Variants in PRKCH observed in about 807,000 individuals in gnomAD.
PRKCH encodes protein kinase C eta type.
A neutral mutation model predicts 82.5 loss-of-function variants in PRKCH; 28 were observed. That is an observed-to-expected ratio of 0.34 (90% CI 0.25 to 0.47). The LOEUF is 0.47. Among genes scored for constraint, PRKCH ranks in the 20% least tolerant of loss-of-function variants. The probability of loss-of-function intolerance (pLI) is 1.00; values close to 1 mark genes in which losing one functional copy is unlikely to be tolerated. For missense variants in PRKCH, 705 were observed against 881.8 expected (o/e 0.80, Z 2.54); for synonymous variants, 322 against 327.4 (o/e 0.98, Z 0.18).
At chr14:61,290,022 G>A (rs2045346681) in intron 1 of PRKCH, among the ~76,000 whole-genome samples, 1 of 152,116 alleles carries the variant, frequency 6.6e-6, no homozygotes, top group Non-Finnish European at 1.5e-5. Flanking sequence ...GTCCAGGCAC[G>A]GTGGCCCATG....
At chr14:61,484,017 G>A (rs1466743449) in intron 9 of PRKCH, among the ~76,000 whole-genome samples, 1 of 152,116 alleles carries the variant, frequency 6.6e-6, no homozygotes, top group Admixed American at 6.5e-5. Flanking sequence ...CTTCAGCTTG[G>A]GTGACAGAAT....
At chr14:61,447,231 C>A (rs980915456) in intron 4 of PRKCH, among the ~76,000 whole-genome samples, 2 of 152,276 alleles carry the variant, frequency 1.3e-5, no homozygotes, top group African/African-American at 4.8e-5. Flanking sequence ...TATTTAAAGA[C>A]CAGTGTAGTA....
intron 12 of PRKCH, among the ~76,000 whole-genome samples, chr14:61,538,145 A>G (rs963638074): frequency 6.6e-6 from 1 of 152,256 alleles, no homozygotes; most frequent in African/African-American, 2.4e-5. Flanking sequence ...CAGAGGATCC[A>G]ACCCCAGATC....
At chr14:61,478,956 CA>C (rs1211678643) in intron 9 of PRKCH, among the ~76,000 whole-genome samples, 1 of 151,582 alleles carries the variant, frequency 6.6e-6, no homozygotes, top group African/African-American at 2.4e-5. Context: ...TAAGGCTATG[CA>C]AAAAAAAGAA....
At chr14:61,229,428 G>A (rs2044723327) in intron 1 of PRKCH, among the ~76,000 whole-genome samples, 1 of 152,156 alleles carries the variant, frequency 6.6e-6, no homozygotes, top group African/African-American at 2.4e-5. Flanking sequence ...AGCTAGCTGT[G>A]GAATCTGCCT....
intron 2 of PRKCH, among the ~76,000 whole-genome samples, chr14:61,425,598 G>T (rs547851721): frequency 5.3e-5 from 8 of 152,320 alleles, no homozygotes; most frequent in African/African-American, 1.9e-4. Flanking sequence ...AGGCTTATAG[G>T]CAGAAGGGAC....
At chr14:61,381,906 G>C (rs2046516951) in intron 1 of PRKCH, among the ~76,000 whole-genome samples, 1 of 152,218 alleles carries the variant, frequency 6.6e-6, no homozygotes, top group African/African-American at 2.4e-5. Flanking sequence ...AGCCTCAAGG[G>C]AGGCTGGTGC....
At chr14:61,434,497 C>G (rs1449729649) in intron 2 of PRKCH, among the ~76,000 whole-genome samples, 1 of 151,968 alleles carries the variant, frequency 6.6e-6, no homozygotes, top group Non-Finnish European at 1.5e-5. Context: ...AGCTAAAAGC[C>G]TTTTTATGGA....
intron 2 of PRKCH, among the ~76,000 whole-genome samples, chr14:61,432,576 C>T (rs1280487212): frequency 2.0e-5 from 3 of 152,178 alleles, no homozygotes; most frequent in Non-Finnish European, 4.4e-5. Flanking sequence ...TTCAAGCAGT[C>T]CTCCTGCCTT....
At chr14:61,326,321 G>A (rs1440121886) in intron 1 of PRKCH, among the ~76,000 whole-genome samples, 1 of 152,192 alleles carries the variant, frequency 6.6e-6, no homozygotes, top group East Asian at 1.9e-4. Flanking sequence ...ATTATGCTGA[G>A]TGAAAGAAAC....
chr14:61,294,059 T>A (rs1466292833), intron 1 of PRKCH, among the ~76,000 whole-genome samples: 1 of 152,216 alleles, frequency 6.6e-6, no homozygotes, highest in Non-Finnish European at 1.5e-5. Flanking sequence ...CGCTCTCCAC[T>A]CCCAGAGATG....
intron 1 of PRKCH, chr14:61,279,900 T>C: frequency 1.7e-6 from 1 of 596,650 alleles, no homozygotes; most frequent in East Asian, 2.8e-5. Context: ...GCAGTCAACA[T>C]CCCTCCCCGC....
rs1227312933 is a variant in PRKCH, at chr14:61,322,176, C to T, written c.75C>T (p.Thr25=). The change falls in exon 1 of 14, where the codon ACC becomes ACT. Residue 25 remains threonine (T), a synonymous_variant. Coordinates refer to ENST00000332981, the MANE Select transcript of PRKCH (RefSeq NM_006255.5). The stretch of plus-strand genomic sequence containing the variant: ...GTGAGGCAGTGGGGCTGCAGCCCAC[C>T]CGCTGGTCCCTGCGCCACTCGCTCT... ...RIGEAVGLQP[T]RWSLRHSLFK... The T allele has an allele frequency of 1.9e-6, 3 of 1,610,898 alleles. No homozygotes were observed. In the African/African-American group the frequency reaches 4.0e-5, roughly 22 times the overall value.
chr14:61,352,465 C>G (rs894214725), intron 1 of PRKCH, among the ~76,000 whole-genome samples: 1 of 151,964 alleles, frequency 6.6e-6, no homozygotes, highest in Non-Finnish European at 1.5e-5. Flanking sequence ...GGGTTCAAGA[C>G]CAGCCTGACC....
chr14:61,268,877 C>A (rs1429710823), intron 1 of PRKCH, among the ~76,000 whole-genome samples: 1 of 152,174 alleles, frequency 6.6e-6, no homozygotes, highest in Admixed American at 6.5e-5. Context: ...AAAGAAGTGA[C>A]TATTGTAAGT....
chr14:61,200,138 T>A (rs1398329033), intron 1 of PRKCH, among the ~76,000 whole-genome samples: 2 of 152,090 alleles, frequency 1.3e-5, no homozygotes, highest in Non-Finnish European at 2.9e-5. Flanking sequence ...TTTCTGCAAG[T>A]GGAGGGTGTT....
At position 61,354,416 on chromosome 14, in the gene PRKCH, G is replaced by C. The variant is rs970610490; in HGVS notation, c.363+31952G>C. Among the ~76,000 whole-genome samples, 8 of 151,646 alleles carry C rather than the reference G, an allele frequency of 5.3e-5. No homozygotes were observed. The East Asian group carries it at 1.6e-3, about 29-fold the overall frequency. ...TTGCTGTTTCTATTTGTGTGTGTGT[G>C]TGTGTGTGTGTGTGTGTGTGTGTTA... On this transcript the variant is annotated intron_variant, in intron 1 of 13. Coordinates refer to ENST00000332981, the MANE Select transcript of PRKCH (RefSeq NM_006255.5).
intron 1 of PRKCH, among the ~76,000 whole-genome samples, chr14:61,236,256 C>A (rs1248845731): frequency 1.3e-5 from 2 of 151,654 alleles, no homozygotes; most frequent in Non-Finnish European, 2.9e-5. Flanking sequence ...GCGTGTGAAG[C>A]AGAGCAACTC....
intron 1 of PRKCH, among the ~76,000 whole-genome samples, chr14:61,190,247 T>G (rs774568238): frequency 2.0e-5 from 3 of 152,172 alleles, no homozygotes; most frequent in Non-Finnish European, 4.4e-5. Context: ...ACCACCCACC[T>G]CTGCCCCCAA....
Sources: gnomAD v4.1 joint callset for allele counts (sites outside exome capture counted in the v4.1 genomes callset) on GRCh38, gnomAD v4.1.1 for gene constraint, MANE v1.5 for transcripts, NCBI Gene and HGNC (gene_info 2026-07-23, HGNC 2026-07-21) for gene names.